Variants in ANAPC1 observed in about 807,000 individuals in gnomAD.
ANAPC1 encodes the protein anaphase-promoting complex subunit 1.
ANAPC1 carries 36 observed loss-of-function variants against 208.0 expected under a neutral mutation model. The observed-to-expected ratio is 0.17, with a 90% CI of 0.13 to 0.23. The LOEUF is 0.23. ANAPC1 is among the 10% of genes least tolerant of loss of function. The pLI, the probability that ANAPC1 is intolerant of heterozygous loss-of-function variation, is 1.00. For synonymous variants in ANAPC1, 378 were observed against 695.2 expected (o/e 0.54, Z 7.18); for missense variants, 942 against 2,011.6 (o/e 0.47, Z 10.17).
At chr2:111,868,563 C>T (rs1682561016) in intron 6 of ANAPC1, among the ~76,000 whole-genome samples, 1 of 152,112 alleles carries the variant, frequency 6.6e-6, no homozygotes, top group Non-Finnish European at 1.5e-5. Context: ...TGGAGTCTCA[C>T]TCTGTTGCCC....
At chr2:111,871,624 T>C (rs1227951752) in intron 6 of ANAPC1, among the ~76,000 whole-genome samples, 4 of 152,122 alleles carry the variant, frequency 2.6e-5, no homozygotes, top group Admixed American at 6.5e-5. Context: ...TGGTGGTGCA[T>C]GCCTGTAATC....
intron 21 of ANAPC1, among the ~76,000 whole-genome samples, 156 bp from the exon 22 acceptor site, chr2:111,826,011 G>C (rs1164434761): frequency 6.6e-6 from 1 of 152,092 alleles, no homozygotes; most frequent in Non-Finnish European, 1.5e-5. Context: ...AGAGTAGCTA[G>C]GACTATAGGC....
At chr2:111,776,025 C>A (rs1280769854) in intron 46 of ANAPC1, among the ~76,000 whole-genome samples, 2 of 151,230 alleles carry the variant, frequency 1.3e-5, no homozygotes, top group Non-Finnish European at 3.0e-5. Flanking sequence ...AATTTATTTC[C>A]TAGTGTTACA....
chr2:111,825,840 T>G lies in ANAPC1; in HGVS notation c.2641A>C (p.Ile881Leu). ...GAAACCAAGCTCTCATCACCAAGTA[T>G]GTACAGTGCAATACTCTGCAAAGGA... is the stretch of plus-strand genomic sequence containing the variant. ...RLVVLSIALYILGDESLVSDE... is the reference protein window; with the variant it reads ...RLVVLSIALYLLGDESLVSDE... The change falls in exon 22 of 48, where the codon ATA becomes CTA. Residue 881 changes from isoleucine (I) to leucine (L), a missense_variant. Coordinates refer to ENST00000341068, the MANE Select transcript of ANAPC1 (RefSeq NM_022662.4). 6.2e-7 allele frequency: 1 copy of G among 1,613,678 alleles called. No homozygotes were observed. The highest frequency in any genetic ancestry group is 2.2e-5 in the East Asian group (1 of 44,872).
At chr2:111,772,221 A>C (rs1380313659) in intron 47 of ANAPC1, 120 bp downstream of exon 47, 11 of 750,922 alleles carry the variant, frequency 1.5e-5, no homozygotes, top group Middle Eastern at 2.9e-4. Context: ...AGTCCCTAAC[A>C]ATGACACTGC....
intron 16 of ANAPC1, among the ~76,000 whole-genome samples, chr2:111,844,737 T>C (rs1263311282): frequency 6.6e-6 from 1 of 152,236 alleles, no homozygotes; most frequent in East Asian, 1.9e-4. Flanking sequence ...TTAACATGCC[T>C]ATTAACCAAA....
intron 13 of ANAPC1, among the ~76,000 whole-genome samples, chr2:111,853,129 CT>C (rs1036912236): frequency 6.6e-6 from 1 of 152,104 alleles, no homozygotes; most frequent in Non-Finnish European, 1.5e-5. Flanking sequence ...CTCTTTGTTC[CT>C]GGTCATTTTT....
chr2:111,838,947 T>C (rs898217259), intron 17 of ANAPC1, among the ~76,000 whole-genome samples: 3 of 152,240 alleles, frequency 2.0e-5, no homozygotes, highest in African/African-American at 7.2e-5. Flanking sequence ...CTAACAATTC[T>C]ATGGCAGAGA....
At chr2:111,855,684 A>G (rs545125875) in intron 13 of ANAPC1, among the ~76,000 whole-genome samples, 3,306 of 152,320 alleles carry the variant, frequency 0.022, 110 homozygotes, top group African/African-American at 0.074. Flanking sequence ...TGATACATAC[A>G]TAACTGTAAA....
In ANAPC1 at chr2:111,776,957, C is replaced by A; in HGVS notation, c.5486G>T (p.Arg1829Leu). ...CCCCCGCTTAGGGTGGTTCTGCAGC[C>A]GCTCCTGATGGCTTCGGGAGCTGAA... ...EFFSSRSHQE[R>L]LQNHPKRGLF... The change falls in exon 46 of 48, where the codon CGG becomes CTG. Residue 1829 changes from arginine (R) to leucine (L), a missense_variant. Coordinates refer to ENST00000341068, the MANE Select transcript of ANAPC1 (RefSeq NM_022662.4). 1 of 550,272 alleles carries A rather than the reference C, an allele frequency of 1.8e-6. No individual in the cohort carries two copies. Among genetic ancestry groups the A allele is most frequent in the South Asian group, 2.0e-5 (1 of 48,992 alleles). The allele number at this position is 550,272 out of a possible 1,614,324, so 34.1% of individuals were successfully genotyped here.
intron 16 of ANAPC1, among the ~76,000 whole-genome samples, chr2:111,845,218 G>C (rs1247681971): frequency 2.0e-5 from 3 of 152,142 alleles, no homozygotes; most frequent in Non-Finnish European, 4.4e-5. Flanking sequence ...CCTCAGAGTG[G>C]CCAGGGCTAC....
chr2:111,800,148 A>G (rs1478683880), intron 34 of ANAPC1, among the ~76,000 whole-genome samples: 1 of 129,678 alleles, frequency 7.7e-6, no homozygotes, highest in Non-Finnish European at 1.7e-5. Context: ...ATAAGTGATG[A>G]AACATGTTTA....
intron 13 of ANAPC1, among the ~76,000 whole-genome samples, chr2:111,856,096 G>T (rs970165004): frequency 2.1e-4 from 32 of 152,212 alleles, no homozygotes; most frequent in African/African-American, 7.2e-4. Flanking sequence ...TTAGCCAGGC[G>T]TGGTGGCAGG....
intron 13 of ANAPC1, among the ~76,000 whole-genome samples, chr2:111,855,855 A>G (rs1219366467): frequency 6.6e-6 from 1 of 151,942 alleles, no homozygotes; most frequent in African/African-American, 2.4e-5. Flanking sequence ...TCACTTCATT[A>G]TTATTATTCA....
At chr2:111,787,588 C>T (rs1401836312) in intron 39 of ANAPC1, among the ~76,000 whole-genome samples, 1 of 152,184 alleles carries the variant, frequency 6.6e-6, no homozygotes, top group African/African-American at 2.4e-5. Flanking sequence ...CTTATAGGGG[C>T]TATTTTATTC....
chr2:111,830,017 C>G (rs950717142), intron 21 of ANAPC1, among the ~76,000 whole-genome samples: 6 of 152,088 alleles, frequency 3.9e-5, no homozygotes, highest in African/African-American at 1.5e-4. Flanking sequence ...TTGCAGTGAG[C>G]TGAGATCACT....
chr2:111,854,010 C>A (rs989645527), intron 13 of ANAPC1, among the ~76,000 whole-genome samples: 2 of 152,150 alleles, frequency 1.3e-5, no homozygotes, highest in African/African-American at 4.8e-5. Context: ...GCTGCCACGC[C>A]CAGCCCAGAA....
intron 6 of ANAPC1, among the ~76,000 whole-genome samples, chr2:111,868,334 C>T (rs1435451558): frequency 1.3e-5 from 2 of 152,168 alleles, no homozygotes; most frequent in African/African-American, 4.8e-5. Context: ...ATCAATATAG[C>T]CAGGGAATTT....
intron 26 of ANAPC1, chr2:111,819,466 T>C: frequency 1.2e-5 from 2 of 160,838 alleles, no homozygotes; most frequent in Non-Finnish European, 2.1e-5. Flanking sequence ...TAGAGGTGAA[T>C]GGATTTCATG....
Sources: allele counts gnomAD v4.1 joint callset (sites outside exome capture counted in the v4.1 genomes callset), GRCh38; gene constraint gnomAD v4.1.1; transcripts MANE v1.5; gene names NCBI Gene and HGNC (gene_info 2026-07-23, HGNC 2026-07-21).